The following CLVS1 variants were observed in gnomAD, a reference collection of about 807,000 sequenced individuals.
CLVS1 encodes clavesin 1.
CLVS1 carries 10 observed loss-of-function variants against 33.1 expected under a neutral mutation model. The ratio of observed to expected loss-of-function variants is 0.30; its 90% CI spans 0.19 to 0.51. The LOEUF (loss-of-function observed/expected upper bound fraction) is 0.51, where lower values mean the gene tolerates loss of function less well. CLVS1 is among the 20% of genes least tolerant of loss of function. The probability of loss-of-function intolerance (pLI) is 0.97; values close to 1 mark genes in which losing one functional copy is unlikely to be tolerated. For synonymous variants in CLVS1, 163 were observed against 166.1 expected (o/e 0.98, Z 0.14); for missense variants, 343 against 433.4 (o/e 0.79, Z 1.85).
chr8:60,993,978 T>C, the CLVS1 span, among the ~76,000 whole-genome samples: 1 of 152,206 alleles, frequency 6.6e-6, no homozygotes, highest in Non-Finnish European at 1.5e-5. Flanking sequence ...CTGTCCTTGC[T>C]CCTAAACTGA....
intron 3 of CLVS1, among the ~76,000 whole-genome samples, chr8:61,400,181 C>A (rs916234986): frequency 3.9e-4 from 60 of 152,338 alleles, no homozygotes; most frequent in African/African-American, 1.4e-3. Context: ...GAATGTTTTT[C>A]CATCTGTTTG....
intron 2 of CLVS1, among the ~76,000 whole-genome samples, chr8:61,363,009 A>C (rs1813049636): frequency 6.6e-6 from 1 of 152,178 alleles, no homozygotes; most frequent in South Asian, 2.1e-4. Flanking sequence ...AATGGAAAAA[A>C]GATAGGTAAC....
At chr8:61,005,656 C>T in the CLVS1 span, among the ~76,000 whole-genome samples, 3 of 152,210 alleles carry the variant, frequency 2.0e-5, no homozygotes, top group African/African-American at 7.2e-5. Context: ...CTGAGCGCTA[C>T]TTTGGAAAAC....
At chr8:61,275,260 G>A (rs2129592919) in intron 2 of CLVS1, among the ~76,000 whole-genome samples, 1 of 151,988 alleles carries the variant, frequency 6.6e-6, no homozygotes, top group East Asian at 1.9e-4. Flanking sequence ...CACCATTACT[G>A]CTGCCTTATT....
chr8:61,378,087 A>G (rs898629498), intron 3 of CLVS1: 6 of 152,320 alleles, frequency 3.9e-5, no homozygotes, highest in East Asian at 1.9e-4. Context: ...GCTTTTATCA[A>G]AGGAAGTTTT....
chr8:61,077,300 T>C (rs914402995), intron 1 of CLVS1, among the ~76,000 whole-genome samples: 29 of 151,870 alleles, frequency 1.9e-4, no homozygotes, highest in Admixed American at 6.6e-4. Flanking sequence ...CTGGATCTCC[T>C]GACCCCGTGA....
chr8:61,251,498 C>T (rs1487645075), intron 2 of CLVS1, among the ~76,000 whole-genome samples: 2 of 152,086 alleles, frequency 1.3e-5, no homozygotes, highest in Non-Finnish European at 2.9e-5. Flanking sequence ...GTACCAGCTC[C>T]TCTTTGTACC....
At chr8:61,194,141 G>A (rs1240123489) in intron 2 of CLVS1, among the ~76,000 whole-genome samples, 1 of 152,040 alleles carries the variant, frequency 6.6e-6, no homozygotes, top group East Asian at 1.9e-4. Flanking sequence ...AAGGAAGAAG[G>A]CATGATAAAG....
rs1361996769 is a variant in CLVS1 at position 61,300,086 on chromosome 8, C to G, written c.259C>G (p.Gln87Glu). Residue 87 changes from glutamine (Q) to glutamate (E), a missense_variant, in exon 2 of 6, where the codon CAA becomes GAA. Transcript: ENST00000325897. ...LRFLRARKFH[Q>E]ADAFRLLAQY... ...ATTTCTCCGAGCCAGGAAGTTTCAC[C>G]AAGCGGATGCCTTTAGACTCCTGGC... The G allele has an allele frequency of 6.2e-7, 1 of 1,613,988 alleles. No individual in the cohort carries two copies. Among genetic ancestry groups the G allele is most frequent in the South Asian group, 1.1e-5 (1 of 91,076 alleles).
At chr8:61,211,168 G>C (rs1717406949) in intron 2 of CLVS1, among the ~76,000 whole-genome samples, 1 of 152,138 alleles carries the variant, frequency 6.6e-6, no homozygotes, top group South Asian at 2.1e-4. Flanking sequence ...AGGGGTGGTG[G>C]TGAGAAATGT....
At chr8:61,077,397 A>G (rs938000436) in intron 1 of CLVS1, among the ~76,000 whole-genome samples, 2 of 151,042 alleles carry the variant, frequency 1.3e-5, no homozygotes, top group Non-Finnish European at 3.0e-5. Flanking sequence ...AAGTGATATC[A>G]TTCAACTCTT....
intron 2 of CLVS1, among the ~76,000 whole-genome samples, chr8:61,324,311 T>G (rs1454210718): frequency 6.6e-6 from 1 of 151,530 alleles, no homozygotes; most frequent in Admixed American, 6.6e-5. Context: ...CTCATGAGAT[T>G]GGATGGTTTT....
chr8:61,383,419 T>C (rs1267648240), intron 3 of CLVS1, among the ~76,000 whole-genome samples: 3 of 152,222 alleles, frequency 2.0e-5, no homozygotes, highest in Non-Finnish European at 4.4e-5. Context: ...TTTTCATGTA[T>C]TAAAGAATGT....
At chr8:61,025,124 G>A in the CLVS1 span, among the ~76,000 whole-genome samples, 1 of 152,158 alleles carries the variant, frequency 6.6e-6, no homozygotes, top group African/African-American at 2.4e-5. Context: ...TGGGATTACA[G>A]GCATGAGCCA....
At chr8:61,190,099 C>T (rs921295516) in intron 2 of CLVS1, among the ~76,000 whole-genome samples, 1 of 152,194 alleles carries the variant, frequency 6.6e-6, no homozygotes, top group African/African-American at 2.4e-5. Flanking sequence ...TGCACTTATT[C>T]TAAAATTGAC....
chr8:61,121,382 C>T (rs139735788), intron 1 of CLVS1, among the ~76,000 whole-genome samples: 1 of 152,136 alleles, frequency 6.6e-6, no homozygotes, highest in African/African-American at 2.4e-5. Flanking sequence ...CCTATTCGGC[C>T]ATCTTGGCTC....
intron 4 of CLVS1, among the ~76,000 whole-genome samples, chr8:61,455,424 A>G (rs1414674824): frequency 6.6e-6 from 1 of 151,966 alleles, no homozygotes; most frequent in African/African-American, 2.4e-5. Context: ...ATTTCAACTT[A>G]TTTAGATTCC....
At chr8:61,193,027 C>A (rs1393376649) in intron 2 of CLVS1, among the ~76,000 whole-genome samples, 1 of 152,122 alleles carries the variant, frequency 6.6e-6, no homozygotes, top group Non-Finnish European at 1.5e-5. Context: ...TGGGTATATA[C>A]CCGAAGGATT....
chr8:61,358,690 G>A (rs1197645642), intron 2 of CLVS1, among the ~76,000 whole-genome samples: 1 of 152,184 alleles, frequency 6.6e-6, no homozygotes, highest in African/African-American at 2.4e-5. Flanking sequence ...AGTATGCCCA[G>A]AAGAGAGGCC....
Sources: allele counts gnomAD v4.1 joint callset (sites outside exome capture counted in the v4.1 genomes callset), GRCh38; gene constraint gnomAD v4.1.1; transcripts MANE v1.5; gene names NCBI Gene and HGNC (gene_info 2026-07-23, HGNC 2026-07-21).